Variants in HDAC9 observed in about 807,000 individuals in gnomAD.
HDAC9 encodes the protein MEF-2 interacting transcription repressor (MITR) protein.
In HDAC9, 41 loss-of-function variants were observed where a neutral mutation model predicts 139.4. The observed-to-expected ratio is 0.29, with a 90% confidence interval of 0.23 to 0.38. HDAC9 has a LOEUF of 0.38. Among genes scored for constraint, HDAC9 ranks in the 10% least tolerant of loss-of-function variants. HDAC9 has a pLI of 1.00. For missense variants in HDAC9, 1,147 were observed against 1,297.0 expected (o/e 0.88, Z 1.78); for synonymous variants, 517 against 476.2 (o/e 1.09, Z -1.12).
chr7:18,993,295 A>T (rs907671531), intron 25 of HDAC9, among the ~76,000 whole-genome samples: 2 of 152,190 alleles, frequency 1.3e-5, no homozygotes, highest in African/African-American at 2.4e-5. Context: ...TCTTACATTA[A>T]CTCGTTTCAA....
rs372920854 is a variant in HDAC9 at position 18,666,352 on chromosome 7, C to T, written c.1607C>T (p.Ala536Val). 5.5e-5 allele frequency: 88 copies of T among 1,613,356 alleles called. No individual in the cohort carries two copies. In the South Asian group the frequency reaches 7.2e-4, roughly 13 times the overall value. Residue 536 changes from alanine to valine, a missense_variant, in exon 12 of 26, where the codon GCT (alanine) becomes GTT (valine). Ala to Val is a moderately conservative substitution (Grantham distance 64). Around this residue, in one of 7 missense-constraint regions of HDAC9, gnomAD observed 256 missense variants for 219.2 expected, o/e 1.17. Transcript: ENST00000686413. ...AACAGCACTAGGAGCGACAGCAGTG[C>T]TTGTGTGGATGACACACTGGGACAA... ...SGNSTRSDSS[A>V]CVDDTLGQVG...
At chr7:18,383,750 G>A (rs1199360666) in intron 1 of HDAC9, among the ~76,000 whole-genome samples, 4 of 151,492 alleles carry the variant, frequency 2.6e-5, no homozygotes, top group Non-Finnish European at 5.9e-5. Context: ...ATTAGCCGGC[G>A]TGGTGGCGGG....
intron 22 of HDAC9, among the ~76,000 whole-genome samples, chr7:18,877,969 C>G (rs2129251136): frequency 6.6e-6 from 1 of 152,146 alleles, no homozygotes; most frequent in East Asian, 1.9e-4. Flanking sequence ...AGGCTAAATC[C>G]CAACCCGAAA....
At chr7:18,945,759 C>CT in intron 23 of HDAC9, among the ~76,000 whole-genome samples, 1 of 151,628 alleles carries the variant, frequency 6.6e-6, no homozygotes, top group Non-Finnish European at 1.5e-5. Flanking sequence ...ATCCATTCAG[C>CT]CAGGCACAGT....
At chr7:18,177,933 C>G (rs978452166) in intron 2 of HDAC9, among the ~76,000 whole-genome samples, 2 of 152,068 alleles carry the variant, frequency 1.3e-5, no homozygotes, top group Non-Finnish European at 2.9e-5. Context: ...TGAGCAAAAC[C>G]AAACTGTTTC....
chr7:18,166,513 T>C (rs1387082662), intron 2 of HDAC9, among the ~76,000 whole-genome samples: 1 of 152,136 alleles, frequency 6.6e-6, no homozygotes, highest in Non-Finnish European at 1.5e-5. Flanking sequence ...AAATGTAGAG[T>C]ACATGTAACT....
rs113281578 is a variant in HDAC9 at position 18,458,338 on chromosome 7, C to A, written c.-41-37924C>A. Among the ~76,000 whole-genome samples, 1,176 of 152,280 alleles carry A rather than the reference C, an allele frequency of 7.7e-3. 15 individuals are homozygous for A. Among genetic ancestry groups the A allele is most frequent in the African/African-American group, 0.027 (1,113 of 41,558 alleles). ...GGTAACTTAGATGAGCATATGTGAA[C>A]TATGGCTAATGCTTCTGATAGAAAA... is the stretch of plus-strand genomic sequence containing the variant. On this transcript the variant is annotated intron_variant, in intron 1 of 3. Coordinates refer to the HDAC9 transcript ENST00000413509.
intron 2 of HDAC9, among the ~76,000 whole-genome samples, chr7:18,525,965 A>G (rs563719543): frequency 6.6e-6 from 1 of 152,276 alleles, no homozygotes; most frequent in Non-Finnish European, 1.5e-5. Context: ...CCAAAGACAT[A>G]ATGTCTTGTG....
chr7:18,217,044 A>G (rs537929700), intron 2 of HDAC9, among the ~76,000 whole-genome samples: 36 of 152,268 alleles, frequency 2.4e-4, no homozygotes, highest in African/African-American at 8.4e-4. Flanking sequence ...CATTCCTTCA[A>G]TGTTTAAAAG....
chr7:18,980,772 T>TTCC (rs1563103385), intron 25 of HDAC9, among the ~76,000 whole-genome samples: 7 of 119,852 alleles, frequency 5.8e-5, no homozygotes, highest in African/African-American at 1.2e-4. Context: ...CTTCTTCTTC[T>TTCC]TCTTCCTCTT....
intron 21 of HDAC9, among the ~76,000 whole-genome samples, chr7:18,857,104 CTA>C (rs1330063062): frequency 2.0e-5 from 3 of 152,070 alleles, no homozygotes; most frequent in Non-Finnish European, 2.9e-5. Context: ...ATCTTTTTCT[CTA>C]TGTGTCATAG....
At chr7:18,905,091 A>C (rs1256937066) in intron 22 of HDAC9, among the ~76,000 whole-genome samples, 4 of 150,208 alleles carry the variant, frequency 2.7e-5, no homozygotes, top group Admixed American at 2.0e-4. Flanking sequence ...CAACCTGACC[A>C]TGTTGGCCAG....
chr7:18,909,905 C>A (rs183079775), intron 22 of HDAC9, among the ~76,000 whole-genome samples: 3 of 151,562 alleles, frequency 2.0e-5, no homozygotes, highest in Non-Finnish European at 4.4e-5. Context: ...TTTTAGCTTT[C>A]GTTTTTTTTG....
rs1043110285 is a variant in HDAC9 at position 18,988,990 on chromosome 7, A to G, written c.3171-7033A>G. 4.5e-5 allele frequency among the ~76,000 whole-genome samples: 4 copies of G among 89,554 alleles called. 1 individual carries two copies. The highest frequency in any genetic ancestry group is 7.3e-4 in the South Asian group (2 of 2,732). 58.8% of individuals were successfully genotyped at this position (89,554 alleles called of 152,430 possible). ...GTGAGATGGGTTTCCTGAATACGGC[A>G]CACTGATGGGTCTTGACTCTCTATC... On this transcript the variant is annotated intron_variant, in intron 25 of 25. Transcript: ENST00000686413.
intron 2 of HDAC9, among the ~76,000 whole-genome samples, chr7:18,227,158 C>G (rs1793110195): frequency 6.6e-6 from 1 of 152,150 alleles, no homozygotes; most frequent in South Asian, 2.1e-4. Flanking sequence ...AAATACTGAT[C>G]AATGGGTTTA....
intron 2 of HDAC9, among the ~76,000 whole-genome samples, chr7:18,276,315 A>T (rs955356438): frequency 3.9e-5 from 6 of 152,214 alleles, no homozygotes; most frequent in South Asian, 2.1e-4. Context: ...CCCAAGAGCA[A>T]GTGTGGTATT....
intron 17 of HDAC9, among the ~76,000 whole-genome samples, chr7:18,813,650 G>T (rs2129192801): frequency 6.6e-6 from 1 of 152,240 alleles, no homozygotes; most frequent in East Asian, 1.9e-4. Flanking sequence ...GATAAATCTT[G>T]GCAGTTATAC....
chr7:18,330,271 C>A (rs886938137), intron 1 of HDAC9, among the ~76,000 whole-genome samples: 1 of 151,378 alleles, frequency 6.6e-6, no homozygotes, highest in African/African-American at 2.4e-5. Flanking sequence ...GGTGTGGGGA[C>A]ACTTGGGGTG....
rs940421149 is a variant in HDAC9 at position 18,751,951 on chromosome 7, AT to A, written c.2043+2823del. Among the ~76,000 whole-genome samples, 401 of 148,902 alleles carry A rather than the reference AT, an allele frequency of 2.7e-3. 2 individuals are homozygous for A. Among genetic ancestry groups the A allele is most frequent in the African/African-American group, 9.2e-3 (376 of 40,728 alleles). On this transcript the variant is annotated intron_variant, in intron 14 of 25. Coordinates refer to ENST00000686413, the MANE Select transcript of HDAC9 (RefSeq NM_178425.4). ...TACTACCTAGTGCTCTCCCAAGTCC[AT>A]TTTTTTTTTACTAAACACAATGGAA...
Sources: gnomAD v4.1 joint callset for allele counts (sites outside exome capture counted in the v4.1 genomes callset) on GRCh38, gnomAD v4.1.1 for gene constraint, gnomAD v4.1.1 regional missense constraint, MANE v1.5 for transcripts, NCBI Gene and HGNC (gene_info 2026-07-23, HGNC 2026-07-21) for gene names.